Variants in CSGALNACT1 observed in about 807,000 individuals in gnomAD.
The protein encoded by CSGALNACT1 is beta4GalNAcT-1.
In CSGALNACT1, 52 loss-of-function variants were observed where a neutral mutation model predicts 51.0. The ratio of observed to expected loss-of-function variants is 1.02; its 90% CI spans 0.82 to 1.29. CSGALNACT1 has a LOEUF of 1.29. CSGALNACT1 is among the 50% of genes most tolerant of loss of function. The pLI is 0.00. For missense variants in CSGALNACT1, 935 were observed against 679.2 expected, an observed-to-expected ratio of 1.38 and a Z score of -4.19; for synonymous variants, 341 against 254.4, an observed-to-expected ratio of 1.34 and a Z score of -3.24.
rs1306728420 is a variant in CSGALNACT1, at chr8:19,453,343, G to A, written c.851+5083C>T. Among the ~76,000 whole-genome samples the A allele has an allele frequency of 2.6e-5, 4 of 152,170 alleles. No individual in the cohort carries two copies. In the South Asian group the frequency reaches 8.3e-4, roughly 32 times the overall value. ...AACAGCCAAAATGCACAGAAGTAAT[G>A]CATTAGAAATAGGAAGGTACAGAAT... On this transcript the variant is annotated intron_variant, in intron 5 of 9. Coordinates refer to ENST00000454498, the Ensembl canonical transcript of CSGALNACT1.
At chr8:19,497,138 T>A (rs1248879662) in intron 4 of CSGALNACT1, among the ~76,000 whole-genome samples, 1 of 152,180 alleles carries the variant, frequency 6.6e-6, no homozygotes, top group Non-Finnish European at 1.5e-5. Flanking sequence ...GGTACCTGCC[T>A]AGGACTGAGA....
intron 1 of CSGALNACT1, among the ~76,000 whole-genome samples, chr8:19,650,927 T>G (rs942520815): frequency 6.6e-6 from 1 of 152,118 alleles, no homozygotes; most frequent in African/African-American, 2.4e-5. Context: ...CTGTTCAAAG[T>G]GCTGGAAAGA....
chr8:19,748,424 G>A (rs1409132068), intron 1 of CSGALNACT1, among the ~76,000 whole-genome samples: 5 of 152,052 alleles, frequency 3.3e-5, no homozygotes, highest in Non-Finnish European at 7.4e-5. Context: ...AAAAAACTAA[G>A]AATAGAAATA....
intron 1 of CSGALNACT1, among the ~76,000 whole-genome samples, chr8:19,627,227 A>C (rs1164169464): frequency 1.3e-5 from 2 of 152,160 alleles, no homozygotes; most frequent in Non-Finnish European, 2.9e-5. Context: ...AAAAGCAATC[A>C]ACCACTAATA....
At chr8:19,756,359 C>T (rs528372917) in intron 1 of CSGALNACT1, among the ~76,000 whole-genome samples, 75 of 152,150 alleles carry the variant, frequency 4.9e-4, no homozygotes, top group Non-Finnish European at 9.7e-4. Context: ...CCACTCCATG[C>T]TTTTTATTAG....
chr8:19,405,647 G>C (rs2053985748), exon 10 of CSGALNACT1: 2 of 1,172,548 alleles, frequency 1.7e-6, no homozygotes, highest in Non-Finnish European at 2.5e-6. Context: ...AGAGAAATCG[G>C]AGGCTTTCTC....
At chr8:19,569,678 T>C (rs934747666) in intron 3 of CSGALNACT1, among the ~76,000 whole-genome samples, 3 of 152,204 alleles carry the variant, frequency 2.0e-5, no homozygotes, top group Admixed American at 1.3e-4. Flanking sequence ...ACTCTGTTTA[T>C]CAGTGTGTTC....
At position 19,506,924 on chromosome 8, in the gene CSGALNACT1, C is replaced by A. The variant is rs183268138; in HGVS notation, c.-296-794G>T. Among the ~76,000 whole-genome samples the A allele has an allele frequency of 3.3e-5, 5 of 152,302 alleles. No individual in the cohort carries two copies. The East Asian group carries it at 9.7e-4, about 29-fold the overall frequency. On this transcript the variant is annotated intron_variant, in intron 3 of 9. Coordinates refer to ENST00000454498, the Ensembl canonical transcript of CSGALNACT1. ...CGCAGCTTCAGGTATTCCTTTAGAGCAGCAAGAATGAACTAAGCCTGCCAG... is the reference window on the plus strand; with the variant it reads ...CGCAGCTTCAGGTATTCCTTTAGAGAAGCAAGAATGAACTAAGCCTGCCAG...
intron 3 of CSGALNACT1, among the ~76,000 whole-genome samples, chr8:19,564,072 G>C (rs759252244): frequency 6.6e-6 from 1 of 152,026 alleles, no homozygotes; most frequent in African/African-American, 2.4e-5. Flanking sequence ...TTCCACTGTC[G>C]GTGCTCCCAC....
rs561568704 is a variant in CSGALNACT1 at position 19,726,595 on chromosome 8, A to G, written c.-297+31255T>C. On this transcript the variant is annotated intron_variant, in intron 1 of 1. Transcript: ENST00000517494. ...TCATTTTTGGTGGTGAGAACATTTAAGATCTACTCTCTCAGCAATTAAAAA... is the reference window on the plus strand; with the variant it reads ...TCATTTTTGGTGGTGAGAACATTTAGGATCTACTCTCTCAGCAATTAAAAA... Among the ~76,000 whole-genome samples, 5 of 152,342 alleles carry G rather than the reference A, an allele frequency of 3.3e-5. No individual in the cohort carries two copies. In the East Asian group the frequency reaches 7.7e-4, roughly 23 times the overall value.
exon 5 of CSGALNACT1, chr8:19,458,449 G>T (rs2064611802): frequency 6.2e-7 from 1 of 1,614,144 alleles, no homozygotes; most frequent in Non-Finnish European, 8.5e-7. Flanking sequence ...TGAACTGCCG[G>T]AACTTGTCCA....
intron 1 of CSGALNACT1, among the ~76,000 whole-genome samples, chr8:19,642,264 G>T (rs777752526): frequency 9.9e-5 from 15 of 152,280 alleles, no homozygotes; most frequent in African/African-American, 3.6e-4. Flanking sequence ...CTTGCAAAAT[G>T]ACTCTGACTC....
chr8:19,504,970 G>C (rs2077030163), intron 4 of CSGALNACT1, among the ~76,000 whole-genome samples: 1 of 152,078 alleles, frequency 6.6e-6, no homozygotes, highest in Non-Finnish European at 1.5e-5. Context: ...TTCTGCCAAG[G>C]AACAATGAAA....
chr8:19,695,310 G>A (rs2061531120), intron 1 of CSGALNACT1, among the ~76,000 whole-genome samples: 1 of 152,064 alleles, frequency 6.6e-6, no homozygotes, highest in African/African-American at 2.4e-5. Context: ...ATTTCTGGAT[G>A]GTTTCATTCC....
At chr8:19,475,303 C>T (rs546201329) in intron 4 of CSGALNACT1, among the ~76,000 whole-genome samples, 1 of 152,296 alleles carries the variant, frequency 6.6e-6, no homozygotes, top group East Asian at 1.9e-4. Flanking sequence ...GCCAAGAAGG[C>T]AGCCTGTGAG....
intron 1 of CSGALNACT1, among the ~76,000 whole-genome samples, chr8:19,756,044 T>C (rs977130849): frequency 6.6e-6 from 1 of 152,168 alleles, no homozygotes; most frequent in African/African-American, 2.4e-5. Flanking sequence ...ACATAAAAAT[T>C]CATCTTGCCT....
At chr8:19,615,335 C>G (rs997098357) in intron 1 of CSGALNACT1, among the ~76,000 whole-genome samples, 1 of 152,200 alleles carries the variant, frequency 6.6e-6, no homozygotes, top group African/African-American at 2.4e-5. Flanking sequence ...GATTTCCATC[C>G]AAAGGAATTT....
At chr8:19,476,679 G>A (rs1183652703) in intron 4 of CSGALNACT1, among the ~76,000 whole-genome samples, 1 of 152,122 alleles carries the variant, frequency 6.6e-6, no homozygotes, top group African/African-American at 2.4e-5. Flanking sequence ...TTGTTTGCTG[G>A]AATATTTTGT....
At chr8:19,755,364 G>T (rs1233602254) in intron 1 of CSGALNACT1, among the ~76,000 whole-genome samples, 1 of 144,148 alleles carries the variant, frequency 6.9e-6, no homozygotes, top group African/African-American at 2.6e-5. Flanking sequence ...TAAATGAATA[G>T]AAAGTAGGGT....
Sources: gnomAD v4.1 joint callset for allele counts (sites outside exome capture counted in the v4.1 genomes callset) on GRCh38, gnomAD v4.1.1 for gene constraint, MANE v1.5 for transcripts, NCBI Gene and HGNC (gene_info 2026-07-23, HGNC 2026-07-21) for gene names.